The following PAM variants were observed in gnomAD, a reference collection of about 807,000 sequenced individuals.
The protein encoded by PAM is peptidylglycine alpha-amidating monooxygenase.
A neutral mutation model predicts 122.1 loss-of-function variants in PAM; 72 were observed. That is an observed-to-expected ratio of 0.59 (90% CI 0.49 to 0.72). The LOEUF is 0.72. Among genes scored for constraint, PAM ranks in the 30% least tolerant of loss-of-function variants. PAM has a pLI of 0.00. For missense variants in PAM, 1,106 were observed against 1,183.7 expected (o/e 0.93, Z 0.96); for synonymous variants, 389 against 404.4 (o/e 0.96, Z 0.46).
At chr5:102,995,928 C>T (rs1261767297) in intron 16 of PAM, among the ~76,000 whole-genome samples, 1 of 151,852 alleles carries the variant, frequency 6.6e-6, no homozygotes, top group Non-Finnish European at 1.5e-5. Flanking sequence ...TACATTTTCA[C>T]TTATATTCTT....
At chr5:102,799,324 C>T (rs1347092426) in intron 1 of PAM, among the ~76,000 whole-genome samples, 5 of 152,120 alleles carry the variant, frequency 3.3e-5, no homozygotes, top group African/African-American at 1.2e-4. Flanking sequence ...GATGATTGTA[C>T]AAGACATTCC....
At chr5:102,795,130 T>C (rs759592074) in intron 1 of PAM, among the ~76,000 whole-genome samples, 13 of 125,124 alleles carry the variant, frequency 1.0e-4, no homozygotes, top group Non-Finnish European at 1.5e-4. Flanking sequence ...GTTGAGGCCA[T>C]AGTGAGTCAT....
At chr5:102,908,431 G>C (rs1216771870) in intron 4 of PAM, among the ~76,000 whole-genome samples, 1 of 151,752 alleles carries the variant, frequency 6.6e-6, no homozygotes, top group Non-Finnish European at 1.5e-5. Flanking sequence ...TGTTCTTTTG[G>C]CTTAGGATTG....
intron 3 of PAM, among the ~76,000 whole-genome samples, chr5:102,881,066 TA>T (rs1489071590): frequency 2.0e-5 from 3 of 151,452 alleles, no homozygotes; most frequent in Non-Finnish European, 4.4e-5. Context: ...AGAAGATATT[TA>T]AAAACTTAAC....
At chr5:102,900,248 TG>T (rs1679811495) in intron 3 of PAM, among the ~76,000 whole-genome samples, 1 of 14,690 alleles carries the variant, frequency 6.8e-5, no homozygotes, top group South Asian at 2.3e-3. Flanking sequence ...TCTTAATGTG[TG>T]TGTGTGGGGG....
At chr5:102,895,064 C>A (rs1333178563) in intron 3 of PAM, among the ~76,000 whole-genome samples, 1 of 151,658 alleles carries the variant, frequency 6.6e-6, no homozygotes. Flanking sequence ...CTTAAATGAA[C>A]TACAGGCCCT....
At chr5:102,977,656 G>GCA (rs1491382158) in intron 15 of PAM, among the ~76,000 whole-genome samples, 23 of 113,042 alleles carry the variant, frequency 2.0e-4, no homozygotes, top group Admixed American at 9.9e-4. Flanking sequence ...ACATGCATGT[G>GCA]CGCACACACA....
intron 15 of PAM, among the ~76,000 whole-genome samples, chr5:102,976,193 A>C (rs1461226301): frequency 6.6e-6 from 1 of 152,194 alleles, no homozygotes; most frequent in Non-Finnish European, 1.5e-5. Flanking sequence ...TTCTAAAATA[A>C]TTTAATGTTA....
intron 1 of PAM, among the ~76,000 whole-genome samples, chr5:102,760,853 G>T (rs75459659): frequency 0.029 from 4,367 of 152,112 alleles, 110 homozygotes; most frequent in East Asian, 0.14. Flanking sequence ...AAGTGGAAAA[G>T]TATCTACACT....
intron 4 of PAM, among the ~76,000 whole-genome samples, chr5:102,905,786 A>G (rs1424696065): frequency 6.6e-6 from 1 of 151,706 alleles, no homozygotes; most frequent in Non-Finnish European, 1.5e-5. Flanking sequence ...TTGTCTAAGT[A>G]TCCTTTCTCT....
intron 4 of PAM, among the ~76,000 whole-genome samples, chr5:102,907,485 C>G (rs1480491636): frequency 2.0e-5 from 3 of 150,870 alleles, no homozygotes; most frequent in Non-Finnish European, 4.4e-5. Flanking sequence ...GGGTATATAC[C>G]CAGTAATGGG....
intron 12 of PAM, among the ~76,000 whole-genome samples, chr5:102,953,874 A>G (rs1759812387): frequency 6.6e-6 from 1 of 152,054 alleles, no homozygotes; most frequent in Non-Finnish European, 1.5e-5. Flanking sequence ...TTAGTCGGGC[A>G]TGATGGCGGA....
At chr5:102,957,292 A>C (rs1255071666) in intron 12 of PAM, among the ~76,000 whole-genome samples, 1 of 152,162 alleles carries the variant, frequency 6.6e-6, no homozygotes, top group African/African-American at 2.4e-5. Context: ...CGTAAGAGCA[A>C]GTCTTACAGT....
Position 102,926,220 on chromosome 5 carries a change from G to A in PAM, c.443-365G>A, listed in dbSNP as rs919375162. On this transcript the variant is annotated intron_variant, in intron 6 of 25. Coordinates refer to ENST00000438793, the MANE Select transcript of PAM (RefSeq NM_001177306.2). The stretch of plus-strand genomic sequence containing the variant: ...CGCCATTCTCCTGCCTCAGCCTCCC[G>A]AGTAGCTGGGACTACAGGCGCCCGC... 1.2e-4 allele frequency among the ~76,000 whole-genome samples: 19 copies of A among 152,078 alleles called. No homozygotes were observed. The South Asian group carries it at 1.5e-3, about 12-fold the overall frequency.
At chr5:102,844,862 G>A (rs536978998) in intron 1 of PAM, among the ~76,000 whole-genome samples, 3 of 152,190 alleles carry the variant, frequency 2.0e-5, no homozygotes, top group South Asian at 2.1e-4. Flanking sequence ...CACCTTCCTC[G>A]GAATGCCCTT....
chr5:102,838,568 A>G (rs1488830366), intron 1 of PAM: 1 of 152,176 alleles, frequency 6.6e-6, no homozygotes, highest in Non-Finnish European at 1.5e-5. Context: ...TGTTTTAAAT[A>G]AATATTATTA....
intron 21 of PAM, 138 bp downstream of exon 21, chr5:103,010,004 G>A (rs377154342): frequency 1.1e-5 from 4 of 357,404 alleles, no homozygotes; most frequent in African/African-American, 8.6e-5. Context: ...AGGTTGATGG[G>A]AGTGTTCTAT....
intron 5 of PAM, among the ~76,000 whole-genome samples, chr5:102,922,208 C>G (rs574535319): frequency 1.3e-5 from 2 of 151,808 alleles, no homozygotes; most frequent in Admixed American, 1.3e-4. Context: ...TACTTGTACT[C>G]GAAGTCCTCA....
intron 1 of PAM, among the ~76,000 whole-genome samples, chr5:102,858,119 A>G (rs1045472556): frequency 2.6e-5 from 4 of 152,254 alleles, no homozygotes; most frequent in African/African-American, 9.6e-5. Context: ...CTGGCATATG[A>G]GTCAGTAAGT....
Sources: gnomAD v4.1 joint callset for allele counts (sites outside exome capture counted in the v4.1 genomes callset) on GRCh38, gnomAD v4.1.1 for gene constraint, MANE v1.5 for transcripts, NCBI Gene and HGNC (gene_info 2026-07-23, HGNC 2026-07-21) for gene names.